The following PRELID3B variants were observed in gnomAD, a reference collection of about 807,000 sequenced individuals.
The protein encoded by PRELID3B is PRELI domain containing 3B, also known as PRELI domain containing protein 3B.
PRELID3B carries 15 observed loss-of-function variants against 24.0 expected under a neutral mutation model. The ratio of observed to expected loss-of-function variants is 0.63; its 90% CI spans 0.42 to 0.96. PRELID3B has a LOEUF of 0.96. Among genes scored for constraint, PRELID3B ranks in the 40% least tolerant of loss-of-function variants. PRELID3B has a pLI of 0.00. For synonymous variants in PRELID3B, 62 were observed against 76.0 expected (o/e 0.82, Z 0.96); for missense variants, 189 against 236.0 (o/e 0.80, Z 1.30).
chr20:59,041,385 C>T (rs1182656631), intron 1 of PRELID3B, among the ~76,000 whole-genome samples: 1 of 152,170 alleles, frequency 6.6e-6, no homozygotes, highest in Non-Finnish European at 1.5e-5. Context: ...TAGGATGTGT[C>T]CCACTGAGTA....
rs373851677 is a variant in PRELID3B, at chr20:59,038,668, AT to A, written c.33-35del. 1.3e-5 allele frequency: 16 copies of A among 1,206,784 alleles called. No individual in the cohort carries two copies. The African/African-American group carries it at 1.5e-4, about 11-fold the overall frequency. The allele number at this position is 1,206,784 out of a possible 1,614,324, so 74.8% of individuals were successfully genotyped here. A position where few individuals can be genotyped will look rare whatever the true frequency, so the allele number is the denominator to read the frequency against. The stretch of plus-strand genomic sequence containing the variant: ...GTGAACCAAAAAAAAAAAAAAAAAA[AT>A]TCAGACATTTAAAATTATGCATATG... On this transcript the variant is annotated intron_variant, in intron 1 of 5. Coordinates refer to ENST00000355937, the MANE Select transcript of PRELID3B (RefSeq NM_016045.3).
At position 59,033,886 on chromosome 20, in the gene PRELID3B, T is replaced by C. The variant is rs768558662; in HGVS notation, c.*1121A>G. ...CCCTCTTGACATCCCAAATAAGGAA[T>C]TCCCGTTAAGTAAAACCTGCAGTGC... On this transcript the variant is annotated 3_prime_UTR_variant, in exon 6 of 6. Transcript: ENST00000355937. 3.9e-5 allele frequency: 6 copies of C among 152,330 alleles called. No individual in the cohort carries two copies. Among genetic ancestry groups the C allele is most frequent in the Non-Finnish European group, 7.4e-5 (5 of 68,022 alleles). 9.4% of individuals were successfully genotyped at this position (152,330 alleles called of 1,614,324 possible). A position where few individuals can be genotyped will look rare whatever the true frequency, so the allele number is the denominator to read the frequency against.
Position 59,034,890 on chromosome 20 carries a change from CAAAAAAA to C in PRELID3B, c.*110_*116del, listed in dbSNP as rs34173406. ...GTCACATAGCCTTACACCAACTTATCAAAAAAAAAAAAAAAAAAACTACCCAAAATAT... is the reference window on the plus strand; with the variant it reads ...GTCACATAGCCTTACACCAACTTATCAAAAAAAAAAAACTACCCAAAATAT... On this transcript the variant is annotated 3_prime_UTR_variant, in exon 6 of 6. Coordinates refer to ENST00000355937, the MANE Select transcript of PRELID3B (RefSeq NM_016045.3). The C allele has an allele frequency of 7.5e-6, 5 of 665,888 alleles. No homozygotes were observed. Among genetic ancestry groups the C allele is most frequent in the South Asian group, 4.9e-5 (1 of 20,394 alleles). The allele number at this position is 665,888 out of a possible 1,614,324, so 41.2% of individuals were successfully genotyped here.
rs753517342 is a variant in PRELID3B at position 59,038,522 on chromosome 20, A to G, written c.145T>C (p.Leu49=). ...LDRHIDPSGK[L]HSHRLLSTEW... ...GTGCTGAGAAGTCTGTGGCTGTGCA[A>G]CTTTCCAGAGGGATCTATATGTCTG... The change falls in exon 2 of 6, where the codon TTG becomes CTG. Residue 49 remains leucine, a synonymous_variant. Coordinates refer to ENST00000355937, the MANE Select transcript of PRELID3B (RefSeq NM_016045.3). 13 of 1,613,812 alleles carry G rather than the reference A, an allele frequency of 8.1e-6. No individual in the cohort carries two copies. The highest frequency in any genetic ancestry group is 1.1e-5 in the South Asian group (1 of 91,072).
At chr20:59,036,205 G>A (rs1014083088) in intron 5 of PRELID3B, among the ~76,000 whole-genome samples, 3 of 152,066 alleles carry the variant, frequency 2.0e-5, no homozygotes, top group African/African-American at 7.2e-5. Flanking sequence ...TTCACTCCAC[G>A]CCAACCCTGT....
Position 59,042,692 on chromosome 20 carries a change from A to G in PRELID3B, c.32+7T>C, listed in dbSNP as rs368107729. ...CTCCACGGAGCCGACCCGCGCCCCA[A>G]ACTTACTCAAAGACGTGCTCCGAAG... On this transcript the variant is annotated splice_region_variant and intron_variant, in intron 1 of 5. Coordinates refer to ENST00000355937, the MANE Select transcript of PRELID3B (RefSeq NM_016045.3). 6 of 1,589,410 alleles carry G rather than the reference A, an allele frequency of 3.8e-6. No homozygotes were observed. Among genetic ancestry groups the G allele is most frequent in the Middle Eastern group, 1.7e-4 (1 of 6,048 alleles).
In PRELID3B at chr20:59,042,031, G is replaced by A. The variant is rs559671790; in HGVS notation, c.32+668C>T. 2.0e-5 allele frequency among the ~76,000 whole-genome samples: 3 copies of A among 152,300 alleles called. No homozygotes were observed. In the South Asian group the frequency reaches 6.2e-4, roughly 32 times the overall value. ...TATCCAAAAAGATGTTCCTGAACGT[G>A]GCCTCAAAGAGCTAACACGGGTAGG... On this transcript the variant is annotated intron_variant, in intron 1 of 5. Coordinates refer to ENST00000355937, the MANE Select transcript of PRELID3B (RefSeq NM_016045.3).
At chr20:59,039,286 A>G (rs1568698589) in intron 1 of PRELID3B, among the ~76,000 whole-genome samples, 1 of 152,210 alleles carries the variant, frequency 6.6e-6, no homozygotes. Flanking sequence ...CACTCCTAAT[A>G]TACTATTTTC....
At position 59,034,725 on chromosome 20, in the gene PRELID3B, A is replaced by C. The variant is rs186696036; in HGVS notation, c.*282T>G. On this transcript the variant is annotated 3_prime_UTR_variant, in exon 6 of 6. Transcript: ENST00000355937. Reference sequence around the variant, plus strand: ...TGAAAAATCTACCTTAAGGAGACTGAATATCAATACCAGTTTCCAAGGAGT... The same window carrying C: ...TGAAAAATCTACCTTAAGGAGACTGCATATCAATACCAGTTTCCAAGGAGT... 1.5e-4 allele frequency: 43 copies of C among 291,252 alleles called. No individual in the cohort carries two copies. The Admixed American group carries it at 2.0e-3, about 14-fold the overall frequency. 18.0% of individuals were successfully genotyped at this position (291,252 alleles called of 1,614,324 possible).
chr20:59,041,797 A>G (rs1160694233), intron 1 of PRELID3B, among the ~76,000 whole-genome samples: 1 of 152,218 alleles, frequency 6.6e-6, no homozygotes, highest in Non-Finnish European at 1.5e-5. Context: ...ATGGCTTTGT[A>G]GCATATTTAT....
chr20:59,036,073 G>A (rs1424849886), intron 5 of PRELID3B, among the ~76,000 whole-genome samples: 1 of 140,310 alleles, frequency 7.1e-6, no homozygotes, highest in Non-Finnish European at 1.6e-5. Context: ...AAAACGAGTT[G>A]TGGGGGAGAC....
chr20:59,033,839 A>G lies in PRELID3B; in HGVS notation c.*1168T>C, dbSNP rs962343184. ...ACATAAAACAAAGTACATTTACTGGATTGTTTTTCAGTTTGCAGCTGCCCT... is the reference window on the plus strand; with the variant it reads ...ACATAAAACAAAGTACATTTACTGGGTTGTTTTTCAGTTTGCAGCTGCCCT... On this transcript the variant is annotated 3_prime_UTR_variant, in exon 6 of 6. Coordinates refer to ENST00000355937, the MANE Select transcript of PRELID3B (RefSeq NM_016045.3). 1.3e-5 allele frequency: 2 copies of G among 152,196 alleles called. No homozygotes were observed. Among genetic ancestry groups the G allele is most frequent in the Non-Finnish European group, 2.9e-5 (2 of 68,034 alleles). The allele number at this position is 152,196 out of a possible 1,614,324, so 9.4% of individuals were successfully genotyped here.
chr20:59,038,691 T>C, intron 1 of PRELID3B, 57 bp from the exon 2 acceptor site: 2 of 1,500,210 alleles, frequency 1.3e-6, no homozygotes, highest in East Asian at 2.3e-5. Context: ...AAATTATGCA[T>C]ATGAGTTAAA....
At chr20:59,035,846 G>GCATC (rs1384956286) in intron 5 of PRELID3B, among the ~76,000 whole-genome samples, 1 of 152,182 alleles carries the variant, frequency 6.6e-6, no homozygotes, top group Non-Finnish European at 1.5e-5. Flanking sequence ...CACAGAGAAG[G>GCATC]CATCCATGAG....
chr20:59,037,271 C>T lies in PRELID3B; in HGVS notation c.211G>A (p.Ala71Thr), dbSNP rs1378741319. ...LPSIVKSLIG[A>T]ARTKTYVQEH... ...TGCACATATGTTTTCGTTCTTGCTG[C>T]ACCAATAAGCTAAGTAAAACATTCA... Residue 71 changes from alanine (A) to threonine (T), a missense_variant, in exon 3 of 6, where the codon GCA (alanine) becomes ACA (threonine). Ala to Thr is a moderately conservative substitution (Grantham distance 58, BLOSUM62 0). Transcript: ENST00000355937. 16 of 1,612,304 alleles carry T rather than the reference C, an allele frequency of 9.9e-6. No individual in the cohort carries two copies. Among genetic ancestry groups the T allele is most frequent in the East Asian group, 2.2e-5 (1 of 44,870 alleles).
intron 2 of PRELID3B, chr20:59,038,211 C>T: frequency 2.8e-6 from 1 of 355,186 alleles, no homozygotes. Context: ...GCAGAAAAAG[C>T]AGAATAGAAC....
At chr20:59,041,334 CT>C (rs2092108639) in intron 1 of PRELID3B, among the ~76,000 whole-genome samples, 2 of 152,210 alleles carry the variant, frequency 1.3e-5, no homozygotes, top group Non-Finnish European at 2.9e-5. Context: ...AAGCTTCCTT[CT>C]GATTCCAGTA....
In PRELID3B at chr20:59,035,210, G is replaced by A. The variant is rs75752275; in HGVS notation, c.466-84C>T. 7.3e-3 allele frequency: 9,507 copies of A among 1,308,932 alleles called. 338 individuals carry two copies. The African/African-American group carries it at 0.099, about 14-fold the overall frequency. 81.1% of individuals were successfully genotyped at this position (1,308,932 alleles called of 1,614,324 possible). On this transcript the variant is annotated intron_variant, in intron 5 of 5. Transcript: ENST00000355937. ...CTAATGACACACCAGGAAGTAACAAGGGGCGTGACAAGTTTAACTCAATCT... is the reference window on the plus strand; with the variant it reads ...CTAATGACACACCAGGAAGTAACAAAGGGCGTGACAAGTTTAACTCAATCT...
intron 1 of PRELID3B, 78 bp downstream of exon 1, chr20:59,042,621 C>A: frequency 2.0e-6 from 3 of 1,503,372 alleles, no homozygotes; most frequent in Non-Finnish European, 2.7e-6. Flanking sequence ...AAGCCTCCTG[C>A]GGGCCGCCTC....
Sources: gnomAD v4.1 joint callset for allele counts (sites outside exome capture counted in the v4.1 genomes callset) on GRCh38, gnomAD v4.1.1 for gene constraint, MANE v1.5 for transcripts, NCBI Gene and HGNC (gene_info 2026-07-23, HGNC 2026-07-21) for gene names.